NUP35: variants seen among roughly 807,000 people sequenced by gnomAD.
NUP35 encodes nucleoporin 35.
A neutral mutation model predicts 41.5 loss-of-function variants in NUP35; 25 were observed. That is an observed-to-expected ratio of 0.60 (90% confidence interval 0.44 to 0.84). The LOEUF is 0.84. Ranked by LOEUF, NUP35 falls within the 40% of genes least tolerant of loss-of-function variation. The pLI is 0.00. For synonymous variants in NUP35, 149 were observed against 130.7 expected, an observed-to-expected ratio of 1.14 and a Z score of -0.96; for missense variants, 396 against 396.6, an observed-to-expected ratio of 1.00 and a Z score of 0.01.
chr2:183,130,805 C>T (rs1239717429), intron 3 of NUP35, among the ~76,000 whole-genome samples: 2 of 152,160 alleles, frequency 1.3e-5, no homozygotes, highest in African/African-American at 2.4e-5. Context: ...CTGCCCATAG[C>T]TCCAACCTAC....
chr2:183,122,823 C>A (rs1045068053), upstream of NUP35, among the ~76,000 whole-genome samples: 1 of 152,140 alleles, frequency 6.6e-6, no homozygotes, highest in East Asian at 1.9e-4. Context: ...AAGTGGATTG[C>A]CCTGTGTTGT....
At chr2:183,148,571 A>G (rs916221827) in intron 4 of NUP35, among the ~76,000 whole-genome samples, 8 of 152,124 alleles carry the variant, frequency 5.3e-5, no homozygotes, top group African/African-American at 1.9e-4. Flanking sequence ...ATTTTTTCAT[A>G]TACCTCTTAG....
intron 4 of NUP35, among the ~76,000 whole-genome samples, chr2:183,146,523 G>C (rs1291734621): frequency 6.6e-6 from 1 of 151,960 alleles, no homozygotes; most frequent in Admixed American, 6.6e-5. Flanking sequence ...TGTTGAGGCT[G>C]AACTAATTTA....
chr2:183,122,397 C>T (rs1242985075), upstream of NUP35, among the ~76,000 whole-genome samples: 1 of 152,178 alleles, frequency 6.6e-6, no homozygotes. Flanking sequence ...TTTTCAACAT[C>T]TTCTTTTATT....
intron 3 of NUP35, among the ~76,000 whole-genome samples, chr2:183,132,068 G>T (rs954399526): frequency 6.6e-6 from 1 of 151,928 alleles, no homozygotes; most frequent in Non-Finnish European, 1.5e-5. Flanking sequence ...CTATCACCCA[G>T]ACTAGAGTGC....
At chr2:183,135,020 T>C (rs1385292259) in intron 4 of NUP35, among the ~76,000 whole-genome samples, 1 of 152,198 alleles carries the variant, frequency 6.6e-6, no homozygotes. Context: ...TCAGCAACTT[T>C]GTAACTCTTT....
At chr2:183,140,373 T>C (rs1221900854) in intron 4 of NUP35, among the ~76,000 whole-genome samples, 1 of 152,180 alleles carries the variant, frequency 6.6e-6, no homozygotes, top group African/African-American at 2.4e-5. Context: ...AAGGACCTTA[T>C]TGGTTATATT....
In NUP35 at chr2:183,142,914, T is replaced by C. The variant is rs571757161; in HGVS notation, c.398-8594T>C. Among the ~76,000 whole-genome samples the C allele has an allele frequency of 2.0e-5, 3 of 151,252 alleles. No homozygotes were observed. In the South Asian group the frequency reaches 6.4e-4, roughly 32 times the overall value. On this transcript the variant is annotated intron_variant, in intron 4 of 8. Coordinates refer to ENST00000295119, the MANE Select transcript of NUP35 (RefSeq NM_138285.5). The stretch of plus-strand genomic sequence containing the variant: ...GCTCACGCCTGTAATCCCAGCACTT[T>C]GGGAGGCCGAGGTGGGTGGGTCACG...
intron 4 of NUP35, among the ~76,000 whole-genome samples, chr2:183,147,928 T>C (rs1685337108): frequency 6.7e-6 from 1 of 150,006 alleles, no homozygotes; most frequent in African/African-American, 2.5e-5. Context: ...TTTTTTTTTT[T>C]GATATGTGGC....
At chr2:183,146,679 C>T (rs10168255) in intron 4 of NUP35, among the ~76,000 whole-genome samples, 49,556 of 151,798 alleles carry the variant, frequency 0.33, 8,583 homozygotes, top group Middle Eastern at 0.46. Flanking sequence ...TCACTGCAAC[C>T]TCTACTCCCC....
At chr2:183,134,073 TATAA>T (rs1400958017) in intron 4 of NUP35, among the ~76,000 whole-genome samples, 1 of 152,236 alleles carries the variant, frequency 6.6e-6, no homozygotes, top group African/African-American at 2.4e-5. Context: ...AATGCATAGT[TATAA>T]ATCTAAATGC....
intron 1 of NUP35, 119 bp downstream of exon 1, chr2:183,124,616 A>G: frequency 3.8e-6 from 5 of 1,315,002 alleles, no homozygotes; most frequent in Non-Finnish European, 5.4e-6. Context: ...GCGGAGAGGG[A>G]ATCCTTGGGT....
chr2:183,128,604 A>T, intron 2 of NUP35, 147 bp downstream of exon 2: 1 of 450,782 alleles, frequency 2.2e-6, no homozygotes, highest in Non-Finnish European at 3.8e-6. Context: ...TGAGCTAAAA[A>T]AAAAAAAAAA....
chr2:183,143,851 A>G (rs966787333), intron 4 of NUP35, among the ~76,000 whole-genome samples: 6 of 152,180 alleles, frequency 3.9e-5, no homozygotes, highest in Non-Finnish European at 7.3e-5. Context: ...TCAGTTCACC[A>G]TGCTTGATTG....
intron 4 of NUP35, 145 bp from the exon 5 acceptor site, chr2:183,151,363 T>G (rs1039750335): frequency 3.3e-6 from 2 of 608,946 alleles, no homozygotes; most frequent in Non-Finnish European, 5.6e-6. Flanking sequence ...AGCATGAAAT[T>G]GCTATTTGAC....
chr2:183,161,013 A>C (rs761642381), intron 8 of NUP35, 41 bp from the exon 9 acceptor site: 35 of 1,508,000 alleles, frequency 2.3e-5, no homozygotes, highest in Non-Finnish European at 2.9e-5. Flanking sequence ...CACTGAAGTA[A>C]CAATAACCTA....
chr2:183,123,809 G>A (rs1559139678), upstream of NUP35: 1 of 985,332 alleles, frequency 1.0e-6, no homozygotes, highest in African/African-American at 1.7e-5. Context: ...AAGATTCCGC[G>A]GTGTGGAGGG....
At chr2:183,125,803 G>T (rs1684448046) in intron 1 of NUP35, among the ~76,000 whole-genome samples, 1 of 152,192 alleles carries the variant, frequency 6.6e-6, no homozygotes, top group Non-Finnish European at 1.5e-5. Flanking sequence ...TATTCCAGGT[G>T]CCCACTGGTG....
intron 4 of NUP35, 130 bp downstream of exon 4, chr2:183,133,753 G>A: frequency 1.9e-6 from 1 of 526,788 alleles, no homozygotes; most frequent in Non-Finnish European, 3.0e-6. Context: ...TTCTTCGAAT[G>A]AATTTAATAT....
Sources: allele counts gnomAD v4.1 joint callset (sites outside exome capture counted in the v4.1 genomes callset), GRCh38; gene constraint gnomAD v4.1.1; transcripts MANE v1.5; gene names NCBI Gene and HGNC (gene_info 2026-07-23, HGNC 2026-07-21).